The following NDUFAF6 variants were observed in gnomAD, a reference collection of about 807,000 sequenced individuals.
The protein encoded by NDUFAF6 is NADH:ubiquinone oxidoreductase complex assembly factor 6.
NDUFAF6 carries 45 observed loss-of-function variants against 40.8 expected under a neutral mutation model. The ratio of observed to expected loss-of-function variants is 1.10; its 90% CI spans 0.87 to 1.42. NDUFAF6 has a LOEUF of 1.42. NDUFAF6 is among the 40% of genes most tolerant of loss of function. The pLI is 0.00. For synonymous variants in NDUFAF6, 185 were observed against 155.9 expected (o/e 1.19, Z -1.39); for missense variants, 435 against 418.5 (o/e 1.04, Z -0.34).
chr8:94,910,738 T>G (rs977753057), intron 1 of NDUFAF6, among the ~76,000 whole-genome samples: 1 of 152,190 alleles, frequency 6.6e-6, no homozygotes, highest in Non-Finnish European at 1.5e-5. Context: ...CACTTTTCAT[T>G]TAGTTTATGA....
chr8:94,954,471 A>T (rs147551609), upstream of NDUFAF6, among the ~76,000 whole-genome samples: 24 of 152,334 alleles, frequency 1.6e-4, no homozygotes, highest in Admixed American at 5.2e-4. Context: ...AGTAGAGGAG[A>T]TACAATAAAC....
intron 1 of NDUFAF6, among the ~76,000 whole-genome samples, chr8:94,972,244 T>G (rs1308183292): frequency 6.6e-6 from 1 of 151,492 alleles, no homozygotes; most frequent in Non-Finnish European, 1.5e-5. Context: ...ACAACATGAT[T>G]TTTTTTTTCT....
intron 2 of NDUFAF6, among the ~76,000 whole-genome samples, chr8:95,013,825 T>G (rs1030277530): frequency 6.6e-6 from 1 of 151,798 alleles, no homozygotes; most frequent in Admixed American, 6.6e-5. Context: ...CCCCCAGTAC[T>G]GGAAATGTGA....
intron 1 of NDUFAF6, chr8:94,940,728 G>T: frequency 2.5e-6 from 2 of 797,108 alleles, no homozygotes; most frequent in Non-Finnish European, 4.0e-6. Flanking sequence ...TACTTTTAAG[G>T]CTGAAAACCC....
intron 3 of NDUFAF6, chr8:95,040,685 T>G (rs1830047093): frequency 1.3e-5 from 2 of 152,274 alleles, no homozygotes; most frequent in South Asian, 4.1e-4. Context: ...AATTCACTCA[T>G]GTACTGATTT....
At chr8:94,993,106 T>A (rs1186731405) in intron 2 of NDUFAF6, among the ~76,000 whole-genome samples, 1 of 152,206 alleles carries the variant, frequency 6.6e-6, no homozygotes, top group Non-Finnish European at 1.5e-5. Context: ...CTGAAGCCTC[T>A]TTTCTGAGGG....
intron 2 of NDUFAF6, among the ~76,000 whole-genome samples, chr8:95,015,371 A>G (rs6985880): frequency 0.14 from 21,854 of 152,256 alleles, 1,594 homozygotes; most frequent in Middle Eastern, 0.25. Context: ...AGAAAAGACT[A>G]TTTATGACAA....
intron 9 of NDUFAF6, among the ~76,000 whole-genome samples, chr8:95,064,256 A>T (rs1402304850): frequency 6.6e-6 from 1 of 152,060 alleles, no homozygotes; most frequent in Non-Finnish European, 1.5e-5. Flanking sequence ...GTTAATCAAC[A>T]TAAAGACGCT....
downstream of NDUFAF6, among the ~76,000 whole-genome samples, chr8:95,063,669 C>T (rs937132347): frequency 3.3e-5 from 5 of 152,072 alleles, no homozygotes; most frequent in Non-Finnish European, 2.9e-5. Context: ...TTTTTAATCA[C>T]GATTAATCTT....
rs33972988 is a variant in NDUFAF6 at position 95,057,745 on chromosome 8, G to GTT, written c.874-51_874-50dup. On this transcript the variant is annotated intron_variant, in intron 8 of 8. Transcript: ENST00000396124. ...AATACTTGTAATTATTCTTTAGTTAGTTTTTTTTTTTTTTAAGTCTTGATC... is the reference window on the plus strand; with the variant it reads ...AATACTTGTAATTATTCTTTAGTTAGTTTTTTTTTTTTTTTTAAGTCTTGATC... The GTT allele has an allele frequency of 5.1e-3, 4,935 of 970,298 alleles. 2 individuals carry two copies. Among genetic ancestry groups the GTT allele is most frequent in the African/African-American group, 0.013 (737 of 57,666 alleles). The allele number at this position is 970,298 out of a possible 1,614,324, so 60.1% of individuals were successfully genotyped here.
At chr8:95,000,208 A>G (rs903963389) in intron 2 of NDUFAF6, among the ~76,000 whole-genome samples, 3 of 152,162 alleles carry the variant, frequency 2.0e-5, no homozygotes, top group African/African-American at 7.2e-5. Flanking sequence ...GTGGTGGTGC[A>G]TGCCTATAGT....
At chr8:94,990,867 A>G (rs1489497467) in intron 2 of NDUFAF6, among the ~76,000 whole-genome samples, 1 of 152,224 alleles carries the variant, frequency 6.6e-6, no homozygotes, top group Non-Finnish European at 1.5e-5. Flanking sequence ...TCGCAGATAG[A>G]TGAACTCCAG....
At chr8:95,020,862 CT>C (rs932815278), upstream of NDUFAF6, among the ~76,000 whole-genome samples, 2 of 152,064 alleles carry the variant, frequency 1.3e-5, no homozygotes, top group Non-Finnish European at 2.9e-5. Flanking sequence ...GGGAACAACT[CT>C]TTTTTTCTTG....
At chr8:94,999,950 A>G (rs993002489) in intron 2 of NDUFAF6, among the ~76,000 whole-genome samples, 12 of 151,852 alleles carry the variant, frequency 7.9e-5, no homozygotes, top group African/African-American at 2.9e-4. Flanking sequence ...GGTGGCTCAT[A>G]CCTAATCCCA....
In NDUFAF6 at chr8:95,058,516, T is replaced by G; in HGVS notation, c.*579T>G. ...TAACATAACTTCTTTAAGGTTGGAG[T>G]GGCTGGCAAGAGCAGAGCCTTAATT... On this transcript the variant is annotated 3_prime_UTR_variant, in exon 9 of 9. Transcript: ENST00000396124. 8.2e-7 allele frequency: 1 copy of G among 1,225,156 alleles called. No homozygotes were observed. Among genetic ancestry groups the G allele is most frequent in the Non-Finnish European group, 1.0e-6 (1 of 984,422 alleles). 75.9% of individuals were successfully genotyped at this position (1,225,156 alleles called of 1,614,324 possible).
intron 2 of NDUFAF6, among the ~76,000 whole-genome samples, chr8:95,005,336 C>T (rs1047053038): frequency 6.6e-6 from 1 of 151,776 alleles, no homozygotes; most frequent in Non-Finnish European, 1.5e-5. Context: ...TTTCTTGTTA[C>T]CAGGACACAA....
intron 1 of NDUFAF6, among the ~76,000 whole-genome samples, chr8:94,922,997 C>T (rs1819609726): frequency 6.6e-6 from 1 of 152,134 alleles, no homozygotes; most frequent in Non-Finnish European, 1.5e-5. Flanking sequence ...TGCTCTTAGG[C>T]AGCTCAAATG....
downstream of NDUFAF6, among the ~76,000 whole-genome samples, chr8:95,078,073 G>A (rs1300947143): frequency 6.6e-6 from 1 of 152,170 alleles, no homozygotes; most frequent in African/African-American, 2.4e-5. Flanking sequence ...GACCCAGGAG[G>A]CAGAGAAGAG....
intron 1 of NDUFAF6, among the ~76,000 whole-genome samples, chr8:94,958,623 C>T (rs1030330977): frequency 4.8e-5 from 7 of 144,952 alleles, no homozygotes; most frequent in African/African-American, 7.6e-5. Flanking sequence ...CAGCCTCCGC[C>T]TTCTGGGTTC....
Sources: gnomAD v4.1 joint callset for allele counts (sites outside exome capture counted in the v4.1 genomes callset) on GRCh38, gnomAD v4.1.1 for gene constraint, MANE v1.5 for transcripts, NCBI Gene and HGNC (gene_info 2026-07-23, HGNC 2026-07-21) for gene names.